Variants in ORC3 observed in about 807,000 individuals in gnomAD.
ORC3 encodes the protein homolog of latheo, Drosophila.
Under a neutral mutation model 100.7 loss-of-function variants are expected in ORC3, and 78 were observed. The ratio of observed to expected loss-of-function variants is 0.77; its 90% CI spans 0.65 to 0.94. ORC3 has a LOEUF of 0.94. Among genes scored for constraint, ORC3 ranks in the 40% least tolerant of loss-of-function variants. The probability of loss-of-function intolerance (pLI) is 0.00; values close to 1 mark genes in which losing one functional copy is unlikely to be tolerated. For missense variants in ORC3, 789 were observed against 823.9 expected (o/e 0.96, Z 0.52); for synonymous variants, 295 against 289.3 (o/e 1.02, Z -0.20).
intron 11 of ORC3, among the ~76,000 whole-genome samples, chr6:87,634,247 T>G (rs55985738): frequency 0.11 from 17,364 of 152,154 alleles, 1,060 homozygotes; most frequent in East Asian, 0.15. Context: ...TCTTTTTTTT[T>G]TCTTAATTGG....
chr6:87,618,698 G>C (rs1475033307), intron 9 of ORC3, among the ~76,000 whole-genome samples: 1 of 151,870 alleles, frequency 6.6e-6, no homozygotes, highest in African/African-American at 2.4e-5. Flanking sequence ...AGTGGAACTG[G>C]AGAGGAGGAA....
intron 2 of ORC3, among the ~76,000 whole-genome samples, chr6:87,596,189 C>G (rs895573487): frequency 4.0e-5 from 6 of 148,826 alleles, no homozygotes; most frequent in Non-Finnish European, 8.9e-5. Flanking sequence ...GAGTCTAGCT[C>G]TCAGCATGAT....
chr6:87,599,247 T>G (rs1236427107), intron 2 of ORC3, among the ~76,000 whole-genome samples: 1 of 152,216 alleles, frequency 6.6e-6, no homozygotes, highest in Admixed American at 6.5e-5. Context: ...AAATTGTGTC[T>G]TGATTTGCCA....
intron 19 of ORC3, among the ~76,000 whole-genome samples, chr6:87,666,569 G>A: frequency 6.7e-6 from 1 of 150,240 alleles, no homozygotes; most frequent in East Asian, 2.0e-4. Flanking sequence ...TTCCCAAATA[G>A]CTGGGATTAC....
At chr6:87,670,518 C>T (rs928240791), downstream of ORC3, among the ~76,000 whole-genome samples, 20 of 152,144 alleles carry the variant, frequency 1.3e-4, no homozygotes, top group Non-Finnish European at 5.9e-5. Flanking sequence ...AAAATTAAAA[C>T]ATGAAGCTCC....
At chr6:87,590,231 C>T in intron 1 of ORC3, 39 bp downstream of exon 1, 3 of 1,603,564 alleles carry the variant, frequency 1.9e-6, no homozygotes, top group Non-Finnish European at 2.6e-6. Context: ...TCTACCGCTG[C>T]CTCATTCCCC....
intron 2 of ORC3, among the ~76,000 whole-genome samples, chr6:87,597,717 A>G (rs1777567974): frequency 6.6e-6 from 1 of 151,714 alleles, no homozygotes; most frequent in Non-Finnish European, 1.5e-5. Context: ...ACACATATAT[A>G]TATAATTTTT....
chr6:87,612,440 T>G (rs532689238), intron 8 of ORC3, among the ~76,000 whole-genome samples, 192 bp downstream of exon 8: 2 of 152,326 alleles, frequency 1.3e-5, no homozygotes, highest in East Asian at 3.9e-4. Flanking sequence ...ATTTTGTATA[T>G]TACCTCTTCA....
At chr6:87,659,441 A>G (rs1332223749) in intron 16 of ORC3, among the ~76,000 whole-genome samples, 1 of 152,218 alleles carries the variant, frequency 6.6e-6, no homozygotes, top group East Asian at 1.9e-4. Flanking sequence ...AAATAGCAGC[A>G]CAATTATTAA....
intron 13 of ORC3, among the ~76,000 whole-genome samples, chr6:87,636,927 G>A (rs1159558384): frequency 6.6e-6 from 1 of 152,214 alleles, no homozygotes; most frequent in Non-Finnish European, 1.5e-5. Context: ...GGAGCAGCAA[G>A]GAGTAGGCAG....
chr6:87,632,553 A>G (rs1469188954), intron 11 of ORC3, among the ~76,000 whole-genome samples: 4 of 152,218 alleles, frequency 2.6e-5, no homozygotes, highest in African/African-American at 4.8e-5. Flanking sequence ...GGAACAAAAC[A>G]AAACAATACA....
intron 9 of ORC3, among the ~76,000 whole-genome samples, chr6:87,617,203 A>G (rs1263427564): frequency 6.6e-6 from 1 of 152,072 alleles, no homozygotes; most frequent in Non-Finnish European, 1.5e-5. Flanking sequence ...TTTCTGGACC[A>G]TGCATGTGTG....
At chr6:87,601,251 G>A (rs1777873773) in intron 2 of ORC3, among the ~76,000 whole-genome samples, 2 of 152,106 alleles carry the variant, frequency 1.3e-5, no homozygotes, top group South Asian at 4.1e-4. Flanking sequence ...TAGAAATACA[G>A]TAGAAAGATT....
chr6:87,602,954 A>ATATATATAT (rs1554236515), intron 3 of ORC3, among the ~76,000 whole-genome samples: 5 of 95,298 alleles, frequency 5.2e-5, no homozygotes, highest in South Asian at 3.3e-4. Context: ...ACACATATAT[A>ATATATATAT]ATATATATAT....
At chr6:87,627,685 T>G (rs2128271856) in intron 11 of ORC3, among the ~76,000 whole-genome samples, 1 of 152,296 alleles carries the variant, frequency 6.6e-6, no homozygotes, top group Admixed American at 6.5e-5. Flanking sequence ...ATAATACTCT[T>G]ATGTTATATA....
chr6:87,632,706 T>C (rs1447834424), intron 11 of ORC3, among the ~76,000 whole-genome samples: 3 of 152,054 alleles, frequency 2.0e-5, no homozygotes, highest in Non-Finnish European at 2.9e-5. Flanking sequence ...CTACTAAAAA[T>C]ACAAAATGTT....
chr6:87,610,539 A>T (rs1484126691), intron 7 of ORC3, among the ~76,000 whole-genome samples: 5 of 148,006 alleles, frequency 3.4e-5, no homozygotes, highest in Admixed American at 6.7e-5. Flanking sequence ...AATATACTTT[A>T]TTTTTTTTTA....
intron 14 of ORC3, among the ~76,000 whole-genome samples, chr6:87,654,785 AT>A (rs1161545893): frequency 6.6e-6 from 1 of 152,106 alleles, no homozygotes; most frequent in Non-Finnish European, 1.5e-5. Flanking sequence ...TGCACATATA[AT>A]TTTTTCTTCT....
chr6:87,635,777 G>A (rs1016634749), intron 12 of ORC3, among the ~76,000 whole-genome samples: 2 of 151,850 alleles, frequency 1.3e-5, no homozygotes, highest in Admixed American at 1.3e-4. Flanking sequence ...GGATGACAGA[G>A]TGAGACTCCG....
Sources: gnomAD v4.1 joint callset for allele counts (sites outside exome capture counted in the v4.1 genomes callset) on GRCh38, gnomAD v4.1.1 for gene constraint, MANE v1.5 for transcripts, NCBI Gene and HGNC (gene_info 2026-07-23, HGNC 2026-07-21) for gene names.